GNA12: variants seen among roughly 807,000 people sequenced by gnomAD.
GNA12 encodes guanine nucleotide-binding protein subunit alpha-12.
A neutral mutation model predicts 26.0 loss-of-function variants in GNA12; 9 were observed. The ratio of observed to expected loss-of-function variants is 0.35; its 90% CI spans 0.21 to 0.60. GNA12 has a LOEUF of 0.60. Among genes scored for constraint, GNA12 ranks in the 20% least tolerant of loss-of-function variants. GNA12 has a pLI of 0.78. For missense variants in GNA12, 405 were observed against 525.8 expected (o/e 0.77, Z 2.25); for synonymous variants, 264 against 219.6 (o/e 1.20, Z -1.79).
At chr7:2,743,602 A>T (rs758688529) in intron 2 of GNA12, among the ~76,000 whole-genome samples, 1 of 152,208 alleles carries the variant, frequency 6.6e-6, no homozygotes, top group South Asian at 2.1e-4. Context: ...TACAGCTCCC[A>T]GCGTGAGCAA....
rs1220453917 is a variant in GNA12, at chr7:2,731,169, G to C, written c.*12C>G. On this transcript the variant is annotated 3_prime_UTR_variant, in exon 4 of 4. Transcript: ENST00000275364. This position sits in a 1 kb window ranked among gnomAD's most constrained non-coding sequence, Gnocchi z 6.0. ...GGCTGCTCAACGACGACAAACCCCG[G>C]GGCTTCCTCGCTCACTGCAGCATGA... 1.3e-6 allele frequency: 2 copies of C among 1,586,254 alleles called. No homozygotes were observed. Among genetic ancestry groups the C allele is most frequent in the Non-Finnish European group, 1.7e-6 (2 of 1,161,154 alleles).
At chr7:2,771,948 G>A (rs569688434) in intron 2 of GNA12, among the ~76,000 whole-genome samples, 12 of 152,230 alleles carry the variant, frequency 7.9e-5, no homozygotes, top group African/African-American at 1.4e-4. Context: ...TTGGGTGGTC[G>A]CCTTCCAAAG....
At chr7:2,825,089 C>T (rs1793453771) in intron 1 of GNA12, among the ~76,000 whole-genome samples, 1 of 152,178 alleles carries the variant, frequency 6.6e-6, no homozygotes, top group Non-Finnish European at 1.5e-5. Context: ...CATCAGACTG[C>T]CACCAAAAGA....
intron 2 of GNA12, among the ~76,000 whole-genome samples, chr7:2,778,899 G>C (rs1792148959): frequency 6.6e-6 from 1 of 152,170 alleles, no homozygotes; most frequent in Admixed American, 6.5e-5. Context: ...GATGGGGAAT[G>C]GGGTTGATAC....
intron 2 of GNA12, among the ~76,000 whole-genome samples, chr7:2,764,214 G>A (rs192635254): frequency 0.011 from 1,597 of 151,492 alleles, 15 homozygotes; most frequent in Non-Finnish European, 0.018. Flanking sequence ...CTGGGACCAC[G>A]GGCACGTGCC....
chr7:2,731,140 TG>T lies in GNA12; in HGVS notation c.*40del. On this transcript the variant is annotated 3_prime_UTR_variant, in exon 4 of 4. Transcript: ENST00000275364. This position sits in a 1 kb window ranked among gnomAD's most constrained non-coding sequence, Gnocchi z 6.0. ...CACCCAAGAGTCTGACCGACAGCCG[TG>T]GGGGCTGCTCAACGACGACAAACCC... is the stretch of plus-strand genomic sequence containing the variant. 2 of 1,374,036 alleles carry T rather than the reference TG, an allele frequency of 1.5e-6. No individual in the cohort carries two copies. The highest frequency in any genetic ancestry group is 1.4e-5 in the African/African-American group (1 of 70,370). The allele number at this position is 1,374,036 out of a possible 1,614,324, so 85.1% of individuals were successfully genotyped here.
intron 1 of GNA12, among the ~76,000 whole-genome samples, chr7:2,822,387 G>T (rs1483336324): frequency 1.3e-5 from 2 of 152,150 alleles, no homozygotes; most frequent in East Asian, 3.9e-4. Flanking sequence ...CCTGAGACCT[G>T]GCACACTCTT....
intron 2 of GNA12, among the ~76,000 whole-genome samples, chr7:2,780,093 T>TATATGC (rs57390413): frequency 7.7e-6 from 1 of 130,134 alleles, no homozygotes; most frequent in Non-Finnish European, 1.6e-5. Flanking sequence ...TATATATATA[T>TATATGC]GCCTGTTTTC....
intron 1 of GNA12, among the ~76,000 whole-genome samples, chr7:2,811,154 C>A (rs1793072310): frequency 6.6e-6 from 1 of 152,200 alleles, no homozygotes; most frequent in Non-Finnish European, 1.5e-5. Context: ...CCAGAGCCCC[C>A]AGGCTGTGCA....
chr7:2,758,156 A>T (rs1465357183), intron 2 of GNA12, among the ~76,000 whole-genome samples: 1 of 152,170 alleles, frequency 6.6e-6, no homozygotes, highest in Non-Finnish European at 1.5e-5. Context: ...ACAAAGACAA[A>T]AACCCAAAAA....
chr7:2,740,477 T>C (rs1583217451), intron 2 of GNA12, among the ~76,000 whole-genome samples: 1 of 152,288 alleles, frequency 6.6e-6, no homozygotes, highest in Non-Finnish European at 1.5e-5. Context: ...AACCTGATGG[T>C]GCTGCCACCC....
At chr7:2,802,760 A>G (rs1792843493) in intron 1 of GNA12, among the ~76,000 whole-genome samples, 1 of 152,242 alleles carries the variant, frequency 6.6e-6, no homozygotes. Context: ...CCAGAAGTGT[A>G]AACAGGATGC....
rs184896892 is a variant in GNA12, at chr7:2,749,769, T to C, written c.526-16268A>G. Among the ~76,000 whole-genome samples the C allele has an allele frequency of 3.4e-3, 520 of 152,036 alleles. 2 individuals carry two copies. The highest frequency in any genetic ancestry group is 0.01 in the Middle Eastern group (3 of 294). On this transcript the variant is annotated intron_variant, in intron 2 of 3. Coordinates refer to ENST00000275364, the MANE Select transcript of GNA12 (RefSeq NM_007353.3). The stretch of plus-strand genomic sequence containing the variant: ...CACACAACATCTGAAATTTTAAAAT[T>C]TACTGGATGAACTTAATAAGAGACT...
chr7:2,775,702 G>A (rs1792060279), intron 2 of GNA12, among the ~76,000 whole-genome samples: 1 of 152,212 alleles, frequency 6.6e-6, no homozygotes, highest in African/African-American at 2.4e-5. Flanking sequence ...CTCTGCCTAT[G>A]AATTAAAGCA....
At chr7:2,742,021 T>C in intron 2 of GNA12, among the ~76,000 whole-genome samples, 1 of 151,892 alleles carries the variant, frequency 6.6e-6, no homozygotes, top group Admixed American at 6.6e-5. Context: ...CTTGAATTTT[T>C]TTATTTTTTT....
At chr7:2,736,691 C>T (rs971119858) in intron 2 of GNA12, among the ~76,000 whole-genome samples, 1 of 152,236 alleles carries the variant, frequency 6.6e-6, no homozygotes, top group Non-Finnish European at 1.5e-5. Context: ...CAGCCTTCAG[C>T]AGTTTCTGGA....
chr7:2,842,117 G>GAA (rs1562454108), intron 1 of GNA12, among the ~76,000 whole-genome samples: 6 of 144,600 alleles, frequency 4.1e-5, no homozygotes, highest in Non-Finnish European at 7.4e-5. Context: ...GAAGGGAAGG[G>GAA]AGGAAGAAAA....
At chr7:2,810,808 G>T (rs540769336) in intron 1 of GNA12, among the ~76,000 whole-genome samples, 9 of 152,106 alleles carry the variant, frequency 5.9e-5, no homozygotes, top group African/African-American at 1.9e-4. Context: ...TGAGGCAAGA[G>T]AATCACTTGA....
chr7:2,751,975 G>C (rs192404225), intron 2 of GNA12, among the ~76,000 whole-genome samples: 7 of 152,118 alleles, frequency 4.6e-5, no homozygotes, highest in African/African-American at 1.7e-4. Flanking sequence ...AATCAAAGAG[G>C]AAGAAATAAT....
Sources: allele counts gnomAD v4.1 joint callset (sites outside exome capture counted in the v4.1 genomes callset), GRCh38; gene constraint gnomAD v4.1.1; non-coding constraint Gnocchi (gnomAD v3.1); transcripts MANE v1.5; gene names NCBI Gene and HGNC (gene_info 2026-07-23, HGNC 2026-07-21).